Variants in LRRC71 observed in about 807,000 individuals in gnomAD.
The protein encoded by LRRC71 is leucine rich repeat containing 71.
In LRRC71, 54 loss-of-function variants were observed where a neutral mutation model predicts 66.6. The ratio of observed to expected loss-of-function variants is 0.81; its 90% CI spans 0.65 to 1.02. LRRC71 has a LOEUF of 1.02. LRRC71 is among the 50% of genes least tolerant of loss of function. The probability of loss-of-function intolerance (pLI) is 0.00; values close to 1 mark genes in which losing one functional copy is unlikely to be tolerated. For synonymous variants in LRRC71, 323 were observed against 303.9 expected (o/e 1.06, Z -0.65); for missense variants, 724 against 718.0 (o/e 1.01, Z -0.10).
intron 1 of LRRC71, 49 bp from the exon 2 acceptor site, chr1:156,923,900 G>C (rs1652771563): frequency 2.1e-6 from 3 of 1,419,876 alleles, no homozygotes; most frequent in Non-Finnish European, 2.8e-6. Context: ...GCTTGGGGAT[G>C]CGGGGGTGGG....
chr1:156,921,681 C>T, intron 1 of LRRC71: 5 of 983,516 alleles, frequency 5.1e-6, no homozygotes, highest in Non-Finnish European at 6.0e-6. Flanking sequence ...AGTATACAAT[C>T]CCCTACAGGT....
chr1:156,931,380 T>C (rs1028847138), intron 12 of LRRC71, among the ~76,000 whole-genome samples: 3 of 152,176 alleles, frequency 2.0e-5, no homozygotes, highest in African/African-American at 7.2e-5. Context: ...TGGGGTTGCC[T>C]TTCAGTTTCC....
At chr1:156,938,608 G>A in the LRRC71 span, 1 of 1,176,152 alleles carries the variant, frequency 8.5e-7, no homozygotes, top group Non-Finnish European at 1.2e-6. Context: ...CAGGAGGTGG[G>A]GACAGGGGGA....
intron 1 of LRRC71, among the ~76,000 whole-genome samples, chr1:156,921,312 T>C (rs985506674): frequency 1.3e-5 from 2 of 152,208 alleles, no homozygotes; most frequent in African/African-American, 2.4e-5. Flanking sequence ...GCCAGATATG[T>C]CACGGAGGAG....
At chr1:156,937,605 C>T, downstream of LRRC71, 6 of 1,223,460 alleles carry the variant, frequency 4.9e-6, no homozygotes, top group Non-Finnish European at 6.8e-6. Context: ...CCAGGCAGTC[C>T]TCTCCAGACA....
the LRRC71 span, chr1:156,939,502 T>C: frequency 1.2e-6 from 2 of 1,602,182 alleles, no homozygotes; most frequent in South Asian, 2.2e-5. Context: ...TTATCTCACC[T>C]AGCAAGGGTG....
At chr1:156,928,351 CTCTTCTTCTTCCTCTTCT>C (rs1445371147) in intron 9 of LRRC71, among the ~76,000 whole-genome samples, 1 of 71,968 alleles carries the variant, frequency 1.4e-5, no homozygotes, top group Non-Finnish European at 2.9e-5. Context: ...TTCTTTCTTT[CTCTTCTTCTTCCTCTTCT>C]TCTTCTTCTT....
chr1:156,940,856 C>T, the LRRC71 span, among the ~76,000 whole-genome samples: 16 of 152,138 alleles, frequency 1.1e-4, no homozygotes, highest in Non-Finnish European at 2.1e-4. Flanking sequence ...CAGAAGGAAA[C>T]AACAGGGACC....
chr1:156,931,733 GCTC>G (rs763126278), intron 12 of LRRC71, among the ~76,000 whole-genome samples, 180 bp from the exon 13 acceptor site: 8 of 151,120 alleles, frequency 5.3e-5, no homozygotes, highest in Non-Finnish European at 1.2e-4. Context: ...TCACTTTCTG[GCTC>G]CTCCACACAA....
rs769889769 is a variant in LRRC71, at chr1:156,929,427, T to C, written c.1144T>C (p.Trp382Arg). 1.1e-5 allele frequency: 17 copies of C among 1,613,684 alleles called. No homozygotes were observed. The Admixed American group carries it at 1.3e-4, about 13-fold the overall frequency. The change falls in exon 10 of 15, where the codon TGG becomes CGG. Residue 382 changes from tryptophan to arginine, a missense_variant and splice_region_variant. Physicochemically the swap from Trp to Arg is moderately radical, Grantham distance 101. Transcript: ENST00000337428. ...CCTGGGCAAGAAAAAGGAGAAATCA[T>C]GGGTAGGTGTGCAATGGGACAGATC... ...KGLGKKKEKS[W>R]ELAKKEEKLG... is the part of the protein sequence containing the mutation.
rs765260605 is a variant in LRRC71, at chr1:156,927,540, G to A, written c.707G>A (p.Gly236Glu). The change falls in exon 7 of 15, where the codon GGG becomes GAG. Residue 236 changes from glycine (G) to glutamate (E), a missense_variant. Coordinates refer to ENST00000337428, the MANE Select transcript of LRRC71 (RefSeq NM_144702.3). ...CGGAACAATAACATCGACGACCGCG[G>A]GGCGCAACTCCTGGGCCAGGCGCTG... ...SLRNNNIDDR[G>E]AQLLGQALST... 4.4e-5 allele frequency: 69 copies of A among 1,558,246 alleles called. No homozygotes were observed. The East Asian group carries it at 1.5e-3, about 34-fold the overall frequency.
Position 156,924,856 on chromosome 1 carries a change from G to T in LRRC71, c.516-82G>T, listed in dbSNP as rs1364645505. ...GGGGTGGGGGATGAGGAAGGGCACC[G>T]CTGGGAGAACGGTGTGGGGAGGGTT... On this transcript the variant is annotated intron_variant, in intron 4 of 14. Transcript: ENST00000337428. 6 of 1,517,030 alleles carry T rather than the reference G, an allele frequency of 4.0e-6. No homozygotes were observed. The Admixed American group carries it at 9.8e-5, about 25-fold the overall frequency. 94.0% of individuals were successfully genotyped at this position (1,517,030 alleles called of 1,614,324 possible). A position where few individuals can be genotyped will look rare whatever the true frequency, so the allele number is the denominator to read the frequency against.
chr1:156,924,888 T>C (rs1652958269), intron 4 of LRRC71, 50 bp from the exon 5 acceptor site: 1 of 1,544,600 alleles, frequency 6.5e-7, no homozygotes, highest in Non-Finnish European at 8.8e-7. Context: ...GGTTTTCCAG[T>C]AGGAGGGGGC....
the LRRC71 span, chr1:156,939,962 CAGA>C: frequency 1.9e-6 from 3 of 1,582,450 alleles, no homozygotes; most frequent in East Asian, 6.7e-5. Flanking sequence ...CACACCACGC[CAGA>C]AGGATCGTTG....
At chr1:156,936,497 A>AATATATATATATATATATATATAT (rs1553192804), downstream of LRRC71, among the ~76,000 whole-genome samples, 1 of 33,934 alleles carries the variant, frequency 2.9e-5, no homozygotes, top group African/African-American at 1.5e-4. Flanking sequence ...AAAAAAAAAA[A>AATATATATATATATATATATATAT]ATATATATAT....
In LRRC71 at chr1:156,929,785, G is replaced by C. The variant is rs1201811260; in HGVS notation, c.1240+56G>C. 4.1e-6 allele frequency: 6 copies of C among 1,452,302 alleles called. No homozygotes were observed. The East Asian group carries it at 7.4e-5, about 18-fold the overall frequency. The allele number at this position is 1,452,302 out of a possible 1,614,324, so 90.0% of individuals were successfully genotyped here. On this transcript the variant is annotated intron_variant, in intron 11 of 14. Coordinates refer to ENST00000337428, the MANE Select transcript of LRRC71 (RefSeq NM_144702.3). ...CCTGTGTGGAGGAGGGAAGAGTGCC[G>C]GGCCGGGTGCAGGAAGCTGTTCTGG...
rs1178513579 is a variant in LRRC71 at position 156,927,501 on chromosome 1, C to A, written c.668C>A (p.Ala223Glu). The change falls in exon 7 of 15, where the codon GCG becomes GAG. Residue 223 changes from alanine to glutamate, a missense_variant. Transcript: ENST00000337428. The part of the protein sequence containing the change: ...HKLMALDSTI[A>E]HLSLRNNNID... The stretch of plus-strand genomic sequence containing the variant: ...TCTCCCTCCGGCTGCCCCAGGATTG[C>A]GCACTTGTCTCTGCGGAACAATAAC... 22 of 1,527,568 alleles carry A rather than the reference C, an allele frequency of 1.4e-5. No homozygotes were observed. The highest frequency in any genetic ancestry group is 1.9e-5 in the Non-Finnish European group (22 of 1,137,794). The allele number at this position is 1,527,568 out of a possible 1,614,324, so 94.6% of individuals were successfully genotyped here.
Position 156,930,575 on chromosome 1 carries a change from G to T in LRRC71, c.1287G>T (p.Lys429Asn). Residue 429 changes from lysine to asparagine, a missense_variant, in exon 12 of 15, where the codon AAG becomes AAT. Coordinates refer to ENST00000337428, the MANE Select transcript of LRRC71 (RefSeq NM_144702.3). ...EQKPSRAKGI[K>N]IGSREKRSIL... Reference sequence around the variant, plus strand: ...AGCCAAGCAGGGCAAAAGGGATCAAGATCGGGAGCAGAGAGAAGCGCAGCA... The same window carrying T: ...AGCCAAGCAGGGCAAAAGGGATCAATATCGGGAGCAGAGAGAAGCGCAGCA... 2 of 1,570,366 alleles carry T rather than the reference G, an allele frequency of 1.3e-6. No homozygotes were observed. The highest frequency in any genetic ancestry group is 1.7e-6 in the Non-Finnish European group (2 of 1,157,576).
chr1:156,932,163 G>C, intron 13 of LRRC71, 136 bp downstream of exon 13: 1 of 768,756 alleles, frequency 1.3e-6, no homozygotes, highest in South Asian at 1.7e-5. Flanking sequence ...AAGGCTCTCT[G>C]GCACAGGGCT....
Sources: gnomAD v4.1 joint callset for allele counts (sites outside exome capture counted in the v4.1 genomes callset) on GRCh38, gnomAD v4.1.1 for gene constraint, MANE v1.5 for transcripts, NCBI Gene and HGNC (gene_info 2026-07-23, HGNC 2026-07-21) for gene names.